TIPIN: variants seen among roughly 807,000 people sequenced by gnomAD.
The protein encoded by TIPIN is TIMELESS-interacting protein.
Under a neutral mutation model 35.6 loss-of-function variants are expected in TIPIN, and 29 were observed. The observed-to-expected ratio is 0.82, with a 90% CI of 0.61 to 1.11. The LOEUF is 1.11. Among genes scored for constraint, TIPIN ranks in the 50% most tolerant of loss-of-function variants. TIPIN has a pLI of 0.00. For synonymous variants in TIPIN, 102 were observed against 121.5 expected (o/e 0.84, Z 1.06); for missense variants, 296 against 345.4 (o/e 0.86, Z 1.13).
chr15:66,376,842 C>T (rs2093298629), intron 1 of TIPIN, among the ~76,000 whole-genome samples: 1 of 151,490 alleles, frequency 6.6e-6, no homozygotes, highest in Non-Finnish European at 1.5e-5. Flanking sequence ...GGCACGGTGG[C>T]TTACGCCTGT....
At position 66,336,983 on chromosome 15, in the gene TIPIN, G is replaced by GA. The variant is rs1684390655; in HGVS notation, c.880dup (p.Ser294PhefsTer6). On this transcript the variant is annotated frameshift_variant, in exon 8 of 8. Transcript: ENST00000261881. LOFTEE classifies it high-confidence loss of function. ...TTATCTAGCTTCAGTAATATTTCTG[G>GA]ATGTAGCATCAAGTTGCTGTTGCAC... 2 of 1,612,184 alleles carry GA rather than the reference G, an allele frequency of 1.2e-6. No homozygotes were observed. Among genetic ancestry groups the GA allele is most frequent in the Non-Finnish European group, 8.5e-7 (1 of 1,178,608 alleles).
intron 6 of TIPIN, among the ~76,000 whole-genome samples, chr15:66,348,061 T>TA (rs2093139291): frequency 6.8e-6 from 1 of 146,158 alleles, no homozygotes; most frequent in Admixed American, 7.1e-5. Flanking sequence ...TTGCCCAGAG[T>TA]ATAGTGGTGT....
upstream of TIPIN, among the ~76,000 whole-genome samples, chr15:66,360,128 A>C (rs1795381828): frequency 6.6e-6 from 1 of 152,134 alleles, no homozygotes; most frequent in African/African-American, 2.4e-5. Context: ...ATGGTATGTT[A>C]CTGTAGTATC....
intron 7 of TIPIN, among the ~76,000 whole-genome samples, chr15:66,339,142 AAAAAAAAAAAAAAAAG>A (rs2093067090): frequency 1.8e-5 from 1 of 54,250 alleles, no homozygotes; most frequent in South Asian, 7.6e-4. Context: ...AAAAAAAAAA[AAAAAAAAAAAAAAAAG>A]CAAAAAGAAA....
intron 1 of TIPIN, among the ~76,000 whole-genome samples, chr15:66,375,709 T>TA (rs1301964745): frequency 1.3e-5 from 2 of 150,388 alleles, no homozygotes; most frequent in African/African-American, 2.4e-5. Flanking sequence ...AAAGGAAACT[T>TA]AATCTGCCTC....
At chr15:66,365,042 G>C (rs982549968) in intron 1 of TIPIN, among the ~76,000 whole-genome samples, 13 of 151,748 alleles carry the variant, frequency 8.6e-5, no homozygotes, top group Admixed American at 4.0e-4. Flanking sequence ...CAGAGCAACT[G>C]TGTCTTGAAT....
At chr15:66,344,430 GT>G in intron 6 of TIPIN, among the ~76,000 whole-genome samples, 1 of 147,350 alleles carries the variant, frequency 6.8e-6, no homozygotes, top group Middle Eastern at 3.4e-3. Flanking sequence ...ACAAAAAAAA[GT>G]AAAAAAAAAA....
chr15:66,369,871 A>G (rs1595815797), intron 1 of TIPIN, among the ~76,000 whole-genome samples: 3 of 152,172 alleles, frequency 2.0e-5, no homozygotes. Flanking sequence ...TCAAATGGTC[A>G]TTCTCATTTT....
At chr15:66,342,117 G>A (rs540293696) in intron 6 of TIPIN, among the ~76,000 whole-genome samples, 5 of 150,308 alleles carry the variant, frequency 3.3e-5, no homozygotes, top group South Asian at 2.1e-4. Flanking sequence ...CGGGACCCGG[G>A]AGGCGGAGGC....
At chr15:66,353,384 G>A (rs984830016) in intron 1 of TIPIN, among the ~76,000 whole-genome samples, 17 of 151,984 alleles carry the variant, frequency 1.1e-4, no homozygotes, top group Non-Finnish European at 1.6e-4. Flanking sequence ...TTGGGAGGCC[G>A]AGGCGGGCGG....
At chr15:66,370,381 C>G (rs1215697795) in intron 1 of TIPIN, among the ~76,000 whole-genome samples, 1 of 151,464 alleles carries the variant, frequency 6.6e-6, no homozygotes, top group African/African-American at 2.4e-5. Context: ...GGCAAGAGAC[C>G]ATTAAAAGTG....
chr15:66,384,435 C>G (rs191749660), intron 1 of TIPIN, among the ~76,000 whole-genome samples: 30 of 152,104 alleles, frequency 2.0e-4, no homozygotes, highest in Admixed American at 1.8e-3. Context: ...GCTGGGATTA[C>G]AGGTGCCCAC....
chr15:66,350,087 A>G (rs892871468), intron 4 of TIPIN, among the ~76,000 whole-genome samples: 1 of 151,690 alleles, frequency 6.6e-6, no homozygotes, highest in African/African-American at 2.4e-5. Context: ...TCAGCCTCCC[A>G]AGTAGCTGGG....
intron 1 of TIPIN, among the ~76,000 whole-genome samples, chr15:66,355,654 G>A (rs544447883): frequency 6.6e-6 from 1 of 152,202 alleles, no homozygotes; most frequent in East Asian, 2.0e-4. Context: ...GGGAGGCTGA[G>A]GCAGGAGAAT....
chr15:66,349,545 A>G (rs182708119), intron 4 of TIPIN, 108 bp from the exon 5 acceptor site: 549 of 1,412,766 alleles, frequency 3.9e-4, no homozygotes, highest in Admixed American at 3.1e-3. Context: ...GGGTCATTTT[A>G]TATTTATAAG....
intron 1 of TIPIN, among the ~76,000 whole-genome samples, chr15:66,378,154 A>G (rs917152004): frequency 1.3e-5 from 2 of 152,028 alleles, no homozygotes; most frequent in Non-Finnish European, 2.9e-5. Flanking sequence ...AGGTGTATGC[A>G]ACCATGTCCG....
upstream of TIPIN, among the ~76,000 whole-genome samples, chr15:66,358,225 A>G (rs938968718): frequency 2.0e-5 from 3 of 152,226 alleles, no homozygotes; most frequent in African/African-American, 7.2e-5. Context: ...ACTAGAACCT[A>G]TGCAATGAAA....
chr15:66,359,914 C>T (rs2093223819), upstream of TIPIN, among the ~76,000 whole-genome samples: 1 of 152,102 alleles, frequency 6.6e-6, no homozygotes, highest in Admixed American at 6.6e-5. Context: ...TGACTTTTAA[C>T]TCTGATTCAG....
chr15:66,352,304 G>T, intron 2 of TIPIN, 97 bp from the exon 3 acceptor site: 1 of 970,824 alleles, frequency 1.0e-6, no homozygotes, highest in Non-Finnish European at 1.5e-6. Flanking sequence ...CTAAACATGG[G>T]ACACCTTTTT....
Sources: gnomAD v4.1 joint callset for allele counts (sites outside exome capture counted in the v4.1 genomes callset) on GRCh38, gnomAD v4.1.1 for gene constraint, MANE v1.5 for transcripts, NCBI Gene and HGNC (gene_info 2026-07-23, HGNC 2026-07-21) for gene names.